The following GABRA5 variants were observed in gnomAD, a reference collection of about 807,000 sequenced individuals.
The protein encoded by GABRA5 is gamma-aminobutyric acid type A receptor subunit alpha5.
GABRA5 carries 18 observed loss-of-function variants against 47.3 expected under a neutral mutation model. The observed-to-expected ratio is 0.38, with a 90% CI of 0.26 to 0.56. The LOEUF (loss-of-function observed/expected upper bound fraction) is 0.56. Ranked by LOEUF, GABRA5 falls within the 20% of genes least tolerant of loss-of-function variation. GABRA5 has a pLI of 0.71. For missense variants in GABRA5, 365 were observed against 599.3 expected, an observed-to-expected ratio of 0.61 and a Z score of 4.08; for synonymous variants, 237 against 229.3, an observed-to-expected ratio of 1.03 and a Z score of -0.30.
chr15:26,924,113 A>C (rs1893901100), intron 7 of GABRA5, among the ~76,000 whole-genome samples: 1 of 148,022 alleles, frequency 6.8e-6, no homozygotes, highest in South Asian at 2.1e-4. Context: ...TTTGACGAAT[A>C]ATTTTCTATC....
At chr15:26,927,705 C>G (rs1416117281) in intron 7 of GABRA5, among the ~76,000 whole-genome samples, 1 of 152,184 alleles carries the variant, frequency 6.6e-6, no homozygotes, top group East Asian at 1.9e-4. Flanking sequence ...GCTTGGCCAA[C>G]TTGTTCACTT....
Position 26,893,238 on chromosome 15 carries a change from G to A in GABRA5, c.497+9681G>A, listed in dbSNP as rs953482746. Reference sequence around the variant, plus strand: ...ATGGTGTGAGCGTATGGTGTGTGGCGTGAGTGTATATGGTGTGTTGTGTGT... The same window carrying A: ...ATGGTGTGAGCGTATGGTGTGTGGCATGAGTGTATATGGTGTGTTGTGTGT... On this transcript the variant is annotated intron_variant, in intron 6 of 10. Coordinates refer to ENST00000335625, the MANE Select transcript of GABRA5 (RefSeq NM_000810.4). Among the ~76,000 whole-genome samples the A allele has an allele frequency of 4.8e-5, 7 of 145,022 alleles. No individual in the cohort carries two copies. In the East Asian group the frequency reaches 6.4e-4, roughly 13 times the overall value.
chr15:26,886,457 A>G (rs1369756272), intron 6 of GABRA5, among the ~76,000 whole-genome samples: 2 of 152,222 alleles, frequency 1.3e-5, no homozygotes, highest in Non-Finnish European at 2.9e-5. Flanking sequence ...CTGAGTCTGT[A>G]TAGCAGGCAA....
chr15:26,933,700 T>C (rs1162050199), intron 7 of GABRA5, among the ~76,000 whole-genome samples: 3 of 152,182 alleles, frequency 2.0e-5, no homozygotes, highest in African/African-American at 7.2e-5. Context: ...TGGGCAGACG[T>C]GTTATCTGTT....
In GABRA5 at chr15:26,945,889, G is replaced by A. The variant is rs532058804; in HGVS notation, c.1090-2045G>A. 4.6e-5 allele frequency among the ~76,000 whole-genome samples: 7 copies of A among 151,910 alleles called. No homozygotes were observed. In the South Asian group the frequency reaches 1.5e-3, roughly 32 times the overall value. On this transcript the variant is annotated intron_variant, in intron 10 of 10. Transcript: ENST00000335625. ...CAGGACAGAGCAGTATCTTCTAAAG[G>A]GCTTGCCCTTCACTTGGTTCTACCC... is the stretch of plus-strand genomic sequence containing the variant.
rs183475152 is a variant in GABRA5, at chr15:26,870,661, T to A, written c.86+1327T>A. ...CTTCCCATGCCTTCAGATTTTTTTT[T>A]ATCTATTAAATGAATGTTTTCCTTT... On this transcript the variant is annotated intron_variant, in intron 3 of 10. Coordinates refer to ENST00000335625, the MANE Select transcript of GABRA5 (RefSeq NM_000810.4). Among the ~76,000 whole-genome samples the A allele has an allele frequency of 3.1e-4, 47 of 152,352 alleles. No homozygotes were observed. The East Asian group carries it at 7.5e-3, about 24-fold the overall frequency.
intron 3 of GABRA5, among the ~76,000 whole-genome samples, chr15:26,870,961 CG>C (rs35437973): frequency 1.3e-5 from 2 of 152,082 alleles, no homozygotes; most frequent in South Asian, 2.1e-4. Context: ...GGAGGCCAAG[CG>C]GGGGGCGGAT....
At chr15:26,871,058 G>A (rs540570447) in intron 3 of GABRA5, among the ~76,000 whole-genome samples, 1 of 152,276 alleles carries the variant, frequency 6.6e-6, no homozygotes, top group South Asian at 2.1e-4. Flanking sequence ...GCCAGGCCTG[G>A]TGGCACATGC....
At chr15:26,943,793 G>T (rs1894446260) in intron 10 of GABRA5, among the ~76,000 whole-genome samples, 1 of 152,046 alleles carries the variant, frequency 6.6e-6, no homozygotes, top group South Asian at 2.1e-4. Context: ...CGAGAAGGGG[G>T]CACCAATGTA....
chr15:26,870,661 T>TA (rs1566861081), intron 3 of GABRA5, among the ~76,000 whole-genome samples: 2 of 152,234 alleles, frequency 1.3e-5, no homozygotes, highest in Non-Finnish European at 2.9e-5. Flanking sequence ...GATTTTTTTT[T>TA]ATCTATTAAA....
In GABRA5 at chr15:26,914,905, A is replaced by G; in HGVS notation, c.580+20A>G. 1 of 1,600,666 alleles carries G rather than the reference A, an allele frequency of 6.2e-7. No homozygotes were observed. Among genetic ancestry groups the G allele is most frequent in the Non-Finnish European group, 8.6e-7 (1 of 1,167,790 alleles). On this transcript the variant is annotated intron_variant, in intron 7 of 10. Transcript: ENST00000335625. ...GCAGCTGTAAGTTATTTTCACAAGT[A>G]AGAGCCTTGGACATATACTTTGGGG... is the stretch of plus-strand genomic sequence containing the variant.
At chr15:26,898,277 G>C (rs755460595) in intron 6 of GABRA5, among the ~76,000 whole-genome samples, 8 of 151,050 alleles carry the variant, frequency 5.3e-5, no homozygotes, top group Non-Finnish European at 8.8e-5. Flanking sequence ...TATTTGCATA[G>C]TGGAGGATGC....
intron 9 of GABRA5, among the ~76,000 whole-genome samples, chr15:26,942,441 ACT>A (rs1894406768): frequency 6.6e-6 from 1 of 152,040 alleles, no homozygotes; most frequent in African/African-American, 2.4e-5. Context: ...CGCTTCTGTT[ACT>A]CTCTGGCTCT....
intron 7 of GABRA5, among the ~76,000 whole-genome samples, chr15:26,932,948 G>C (rs1437982321): frequency 6.6e-6 from 1 of 152,090 alleles, no homozygotes; most frequent in African/African-American, 2.4e-5. Flanking sequence ...GCCTGTGGTG[G>C]GGTAGTGCGG....
At chr15:26,910,442 A>C (rs1371081578) in intron 6 of GABRA5, among the ~76,000 whole-genome samples, 1 of 152,078 alleles carries the variant, frequency 6.6e-6, no homozygotes, top group African/African-American at 2.4e-5. Flanking sequence ...TCTACTAAAA[A>C]TACAAAAATT....
At chr15:26,901,958 G>T (rs936922008) in intron 6 of GABRA5, among the ~76,000 whole-genome samples, 2 of 151,982 alleles carry the variant, frequency 1.3e-5, no homozygotes, top group Non-Finnish European at 2.9e-5. Flanking sequence ...TCAGTTGGCT[G>T]TATTTTTGGG....
intron 3 of GABRA5, among the ~76,000 whole-genome samples, chr15:26,876,380 C>A (rs778369135): frequency 6.6e-6 from 1 of 152,094 alleles, no homozygotes; most frequent in Non-Finnish European, 1.5e-5. Context: ...GTGTCTGGAT[C>A]GTGCCCTGGG....
intron 6 of GABRA5, among the ~76,000 whole-genome samples, chr15:26,895,181 G>A (rs1893151696): frequency 6.7e-6 from 1 of 149,830 alleles, no homozygotes; most frequent in East Asian, 2.0e-4. Flanking sequence ...CCCACCTGCC[G>A]CCCCCTTCAC....
In GABRA5 at chr15:26,948,008, T is replaced by C. The variant is rs1261800330; in HGVS notation, c.1164T>C (p.Ile388=). The C allele has an allele frequency of 6.2e-7, 1 of 1,601,366 alleles. No individual in the cohort carries two copies. Among genetic ancestry groups the C allele is most frequent in the African/African-American group, 1.3e-5 (1 of 74,666 alleles). The stretch of plus-strand genomic sequence containing the variant: ...GGAAGATGTCTCACCCCCCAAACAT[T>C]CCGAAGGAACAGACCCCAGCAGGGA... ...TTGKMSHPPN[I]PKEQTPAGTS... is the part of the protein sequence containing the mutation. The change falls in exon 11 of 11, where the codon ATT becomes ATC. Residue 388 remains isoleucine, a synonymous_variant. Coordinates refer to ENST00000335625, the MANE Select transcript of GABRA5 (RefSeq NM_000810.4).
Sources: gnomAD v4.1 joint callset for allele counts (sites outside exome capture counted in the v4.1 genomes callset) on GRCh38, gnomAD v4.1.1 for gene constraint, MANE v1.5 for transcripts, NCBI Gene and HGNC (gene_info 2026-07-23, HGNC 2026-07-21) for gene names.